The following DCLK1 variants were observed in gnomAD, a reference collection of about 807,000 sequenced individuals.
DCLK1 encodes serine/threonine-protein kinase DCLK1.
DCLK1 carries 16 observed loss-of-function variants against 86.2 expected under a neutral mutation model. The observed-to-expected ratio is 0.19, with a 90% CI of 0.13 to 0.28. The LOEUF (loss-of-function observed/expected upper bound fraction) is 0.28, where lower values mean the gene tolerates loss of function less well. Among genes scored for constraint, DCLK1 ranks in the 10% least tolerant of loss-of-function variants. The probability of loss-of-function intolerance (pLI) is 1.00; values close to 1 mark genes in which losing one functional copy is unlikely to be tolerated. For synonymous variants in DCLK1, 369 were observed against 370.5 expected (o/e 1.00, Z 0.05); for missense variants, 590 against 940.2 (o/e 0.63, Z 4.87).
At chr13:35,948,530 T>C (rs1023921223) in intron 3 of DCLK1, among the ~76,000 whole-genome samples, 5 of 152,178 alleles carry the variant, frequency 3.3e-5, no homozygotes, top group Non-Finnish European at 7.3e-5. Flanking sequence ...TGTTAGTCCC[T>C]GGGAATGCTA....
intron 4 of DCLK1, among the ~76,000 whole-genome samples, chr13:35,912,174 T>C (rs1041679172): frequency 1.3e-5 from 2 of 152,142 alleles, no homozygotes; most frequent in Non-Finnish European, 2.9e-5. Flanking sequence ...GAGTTTGGCA[T>C]GCAGGGGGCT....
At chr13:36,064,721 G>A (rs1883687542) in intron 3 of DCLK1, among the ~76,000 whole-genome samples, 1 of 150,458 alleles carries the variant, frequency 6.6e-6, no homozygotes, top group Non-Finnish European at 1.5e-5. Context: ...ATCTTTACCA[G>A]GAATAACAGG....
intron 3 of DCLK1, among the ~76,000 whole-genome samples, chr13:36,104,933 CTGGA>C (rs953576781): frequency 2.6e-4 from 39 of 152,104 alleles, no homozygotes; most frequent in Admixed American, 2.1e-3. Context: ...TTAAGAAAGC[CTGGA>C]ATATGAGAAC....
intron 3 of DCLK1, among the ~76,000 whole-genome samples, chr13:35,971,987 C>T (rs1879084533): frequency 6.6e-6 from 1 of 152,156 alleles, no homozygotes; most frequent in Admixed American, 6.5e-5. Flanking sequence ...CTAAATCCTT[C>T]CAATTCTTCA....
intron 1 of DCLK1, among the ~76,000 whole-genome samples, chr13:36,128,500 C>A (rs1886263711): frequency 6.6e-6 from 1 of 152,118 alleles, no homozygotes; most frequent in Non-Finnish European, 1.5e-5. Context: ...CTTGGACAGG[C>A]CACATAACTG....
intron 5 of DCLK1, among the ~76,000 whole-genome samples, chr13:35,855,089 C>T (rs1490124056): frequency 1.3e-5 from 2 of 152,178 alleles, no homozygotes; most frequent in South Asian, 4.1e-4. Flanking sequence ...GTGTCTTGTC[C>T]ATCCCCCTAG....
rs540148415 is a variant in DCLK1 at position 35,976,832 on chromosome 13, C to T, written c.724-29375G>A. ...TACAGGCGTGAGCCACCGCGCCCGG[C>T]CTTCTCCGAGGTTTTAAGTGAGGCA... is the stretch of plus-strand genomic sequence containing the variant. On this transcript the variant is annotated intron_variant, in intron 3 of 16. Transcript: ENST00000360631. Among the ~76,000 whole-genome samples, 7 of 152,218 alleles carry T rather than the reference C, an allele frequency of 4.6e-5. No individual in the cohort carries two copies. In the South Asian group the frequency reaches 1.5e-3, roughly 32 times the overall value.
chr13:35,842,706 GGT>G (rs776995150), intron 6 of DCLK1, among the ~76,000 whole-genome samples: 1 of 152,156 alleles, frequency 6.6e-6, no homozygotes, highest in Non-Finnish European at 1.5e-5. Flanking sequence ...ATGTCTCCCT[GGT>G]GTGTGTTTGA....
At chr13:36,008,793 C>T (rs957892464) in intron 3 of DCLK1, among the ~76,000 whole-genome samples, 1 of 151,538 alleles carries the variant, frequency 6.6e-6, no homozygotes, top group Non-Finnish European at 1.5e-5. Context: ...CCTGAGAAAT[C>T]GCCACACTGA....
At chr13:35,946,052 G>A (rs1056005802) in intron 4 of DCLK1, among the ~76,000 whole-genome samples, 7 of 152,100 alleles carry the variant, frequency 4.6e-5, no homozygotes, top group Non-Finnish European at 7.4e-5. Flanking sequence ...TTGCTCTATC[G>A]CCCAGACCAA....
intron 8 of DCLK1, among the ~76,000 whole-genome samples, chr13:35,831,904 A>G (rs867521466): frequency 2.0e-5 from 3 of 152,200 alleles, no homozygotes; most frequent in Non-Finnish European, 4.4e-5. Flanking sequence ...AATGGTTTGG[A>G]GACAGCTGTC....
At chr13:35,794,907 C>A (rs930588475) in intron 15 of DCLK1, among the ~76,000 whole-genome samples, 3 of 152,146 alleles carry the variant, frequency 2.0e-5, no homozygotes, top group Non-Finnish European at 2.9e-5. Flanking sequence ...GAAGTGCCGA[C>A]CTTGTCAAGG....
At chr13:35,982,847 T>C (rs909581503) in intron 3 of DCLK1, among the ~76,000 whole-genome samples, 1 of 151,810 alleles carries the variant, frequency 6.6e-6, no homozygotes, top group Non-Finnish European at 1.5e-5. Context: ...TTGCAACCTC[T>C]ACCTCCTGGG....
At chr13:35,810,478 A>T (rs1217120836) in intron 12 of DCLK1, among the ~76,000 whole-genome samples, 2 of 152,220 alleles carry the variant, frequency 1.3e-5, no homozygotes, top group Non-Finnish European at 2.9e-5. Flanking sequence ...AGGAGACTGT[A>T]ATCACCGCAC....
At chr13:36,051,374 C>G (rs1395761713) in intron 3 of DCLK1, among the ~76,000 whole-genome samples, 2 of 152,164 alleles carry the variant, frequency 1.3e-5, no homozygotes, top group Non-Finnish European at 2.9e-5. Flanking sequence ...AAAGTAGCCT[C>G]ATAATCACTT....
chr13:35,994,465 A>G (rs925245827), intron 3 of DCLK1, among the ~76,000 whole-genome samples: 1 of 152,210 alleles, frequency 6.6e-6, no homozygotes, highest in Non-Finnish European at 1.5e-5. Context: ...CTAATAAAAC[A>G]TCCTTGCATC....
intron 5 of DCLK1, among the ~76,000 whole-genome samples, chr13:35,863,384 G>A (rs1871540165): frequency 6.6e-6 from 1 of 152,190 alleles, no homozygotes; most frequent in Non-Finnish European, 1.5e-5. Context: ...TTAACCTGGG[G>A]CATTAACTGT....
chr13:35,965,383 A>G (rs1227483068), intron 3 of DCLK1, among the ~76,000 whole-genome samples: 1 of 152,212 alleles, frequency 6.6e-6, no homozygotes, highest in Non-Finnish European at 1.5e-5. Flanking sequence ...ACTCGAATTT[A>G]ACTGAATTAA....
chr13:36,034,960 G>A (rs1041814054), intron 3 of DCLK1, among the ~76,000 whole-genome samples: 3 of 152,120 alleles, frequency 2.0e-5, no homozygotes, highest in African/African-American at 4.8e-5. Flanking sequence ...AAGGTCACAC[G>A]TGCAGCATAT....
Sources: gnomAD v4.1 joint callset for allele counts (sites outside exome capture counted in the v4.1 genomes callset) on GRCh38, gnomAD v4.1.1 for gene constraint, MANE v1.5 for transcripts, NCBI Gene and HGNC (gene_info 2026-07-23, HGNC 2026-07-21) for gene names.